Variants in LRRC74A observed in about 807,000 individuals in gnomAD.
LRRC74A encodes leucine rich repeat containing 74A.
A neutral mutation model predicts 57.9 loss-of-function variants in LRRC74A; 44 were observed. The ratio of observed to expected loss-of-function variants is 0.76; its 90% CI spans 0.60 to 0.98. The LOEUF (loss-of-function observed/expected upper bound fraction) is 0.98, where lower values mean the gene tolerates loss of function less well. LRRC74A is among the 50% of genes least tolerant of loss of function. The pLI, the probability that LRRC74A is intolerant of heterozygous loss-of-function variation, is 0.00. For missense variants in LRRC74A, 572 were observed against 574.0 expected, an observed-to-expected ratio of 1.00 and a Z score of 0.04; for synonymous variants, 211 against 219.4, an observed-to-expected ratio of 0.96 and a Z score of 0.34.
At chr14:76,867,682 G>A (rs115365139) in intron 13 of LRRC74A, among the ~76,000 whole-genome samples, 2,217 of 152,254 alleles carry the variant, frequency 0.015, 66 homozygotes, top group African/African-American at 0.049. Flanking sequence ...GGATGCCAGC[G>A]GGAGGAGCCG....
intron 7 of LRRC74A, among the ~76,000 whole-genome samples, chr14:76,850,139 T>C (rs779874546): frequency 1.7e-4 from 26 of 150,932 alleles, no homozygotes; most frequent in Non-Finnish European, 3.1e-4. Context: ...ACCTGGAAGG[T>C]GGAGCTTGCA....
chr14:76,859,396 T>C (rs747519710), intron 10 of LRRC74A, among the ~76,000 whole-genome samples: 1 of 151,842 alleles, frequency 6.6e-6, no homozygotes, highest in Non-Finnish European at 1.5e-5. Context: ...TAGCCGGCCA[T>C]GGTGGCGCAT....
At chr14:76,850,187 G>A (rs375066916) in intron 7 of LRRC74A, among the ~76,000 whole-genome samples, 4 of 152,212 alleles carry the variant, frequency 2.6e-5, no homozygotes, top group Middle Eastern at 3.4e-3. Context: ...CAGCCTGGGC[G>A]ACAGACGGAG....
intron 6 of LRRC74A, 28 bp from the exon 7 acceptor site, chr14:76,844,792 C>A (rs781110399): frequency 2.3e-6 from 3 of 1,287,414 alleles, no homozygotes; most frequent in Non-Finnish European, 3.4e-6. Flanking sequence ...ACAAAAAATC[C>A]TTCTCTTTCC....
At chr14:76,848,398 C>G (rs1338147131) in intron 7 of LRRC74A, among the ~76,000 whole-genome samples, 1 of 137,350 alleles carries the variant, frequency 7.3e-6, no homozygotes, top group African/African-American at 2.7e-5. Flanking sequence ...GACTCCATCT[C>G]AAAAAAAAAA....
intron 4 of LRRC74A, among the ~76,000 whole-genome samples, chr14:76,836,746 G>A (rs1346400120): frequency 4.4e-5 from 6 of 137,172 alleles, no homozygotes; most frequent in Admixed American, 8.0e-5. Context: ...AGCTGAGATC[G>A]CACCACAGCA....
intron 12 of LRRC74A, among the ~76,000 whole-genome samples, chr14:76,867,146 T>G (rs1450631133): frequency 3.4e-3 from 11 of 3,266 alleles, no homozygotes; most frequent in Admixed American, 0.01. Flanking sequence ...TGTGGGGGGG[T>G]GTGTGTGTTG....
Position 76,866,080 on chromosome 14 carries a change from G to T in LRRC74A, c.1308+5G>T. 6.6e-7 allele frequency: 1 copy of T among 1,524,494 alleles called. No individual in the cohort carries two copies. The highest frequency in any genetic ancestry group is 1.4e-5 in the African/African-American group (1 of 73,274). 94.4% of individuals were successfully genotyped at this position (1,524,494 alleles called of 1,614,324 possible). A position where few individuals can be genotyped will look rare whatever the true frequency, so the allele number is the denominator to read the frequency against. ...TTCCAGAAAGTGATGATAGAGGTGT[G>T]CTGGGTCCTAGTGGCAACAGGCTGT... On this transcript the variant is annotated splice_donor_5th_base_variant and intron_variant, in intron 12 of 13. Transcript: ENST00000689127.
At chr14:76,841,287 C>T (rs1489209156) in intron 5 of LRRC74A, among the ~76,000 whole-genome samples, 1 of 152,236 alleles carries the variant, frequency 6.6e-6, no homozygotes, top group African/African-American at 2.4e-5. Context: ...AGTGATCCAA[C>T]TGCCTCAGCC....
At position 76,826,777 on chromosome 14, in the gene LRRC74A, C is replaced by T. The variant is rs1047573183; in HGVS notation, c.37+43C>T. ...CTCTCACCACTCAGGCCCGTCCCTG[C>T]TGCCTCAGTACAACACCTAGTGATC... On this transcript the variant is annotated intron_variant, in intron 1 of 13. Coordinates refer to ENST00000689127, the MANE Select transcript of LRRC74A (RefSeq NM_001385106.1). The T allele has an allele frequency of 1.1e-5, 15 of 1,338,200 alleles. No individual in the cohort carries two copies. The African/African-American group carries it at 2.0e-4, about 18-fold the overall frequency. 82.9% of individuals were successfully genotyped at this position (1,338,200 alleles called of 1,614,324 possible).
In LRRC74A at chr14:76,849,835, A is replaced by C. The variant is rs112046238; in HGVS notation, c.677-2530A>C. 9.4e-3 allele frequency among the ~76,000 whole-genome samples: 1,426 copies of C among 151,200 alleles called. 23 individuals carry two copies. The highest frequency in any genetic ancestry group is 0.033 in the African/African-American group (1,344 of 41,154). On this transcript the variant is annotated intron_variant, in intron 7 of 13. Coordinates refer to ENST00000689127, the MANE Select transcript of LRRC74A (RefSeq NM_001385106.1). ...AAAAAACCCAAAAAACAAAAAAAAA[A>C]CCCAACACTTATTATTTGAAGTGAT...
In LRRC74A at chr14:76,836,301, A is replaced by G; in HGVS notation, c.434A>G (p.Tyr145Cys). The G allele has an allele frequency of 6.2e-7, 1 of 1,609,790 alleles. No homozygotes were observed. The highest frequency in any genetic ancestry group is 1.1e-5 in the South Asian group (1 of 90,654). Reference protein sequence around the residue: ...SLVEMLQENYYLQEMNISNNH... With the variant: ...SLVEMLQENYCLQEMNISNNH... The stretch of plus-strand genomic sequence containing the variant: ...GTGGAGATGCTACAAGAGAACTACT[A>G]CCTCCAGGAGATGGTACTGTGCCCC... The change falls in exon 4 of 14, where the codon TAC becomes TGC. Residue 145 changes from tyrosine to cysteine, a missense_variant. Coordinates refer to ENST00000689127, the MANE Select transcript of LRRC74A (RefSeq NM_001385106.1).
intron 11 of LRRC74A, among the ~76,000 whole-genome samples, chr14:76,864,108 T>C (rs927315018): frequency 2.0e-5 from 3 of 152,186 alleles, no homozygotes; most frequent in African/African-American, 4.8e-5. Context: ...GGCTCACCCA[T>C]GGCATCTGCC....
chr14:76,828,431 CAT>C lies in LRRC74A; in HGVS notation c.166+13_166+14del. The C allele has an allele frequency of 6.2e-7, 1 of 1,613,836 alleles. No homozygotes were observed. The highest frequency in any genetic ancestry group is 8.5e-7 in the Non-Finnish European group (1 of 1,179,800). On this transcript the variant is annotated intron_variant, in intron 2 of 13. Coordinates refer to ENST00000689127, the MANE Select transcript of LRRC74A (RefSeq NM_001385106.1). ...CCTGGAGATTGAAGGCGAGCATGGGCATTTGGGGGCAGTCAGGGCAGCTTCTC... is the reference window on the plus strand; with the variant it reads ...CCTGGAGATTGAAGGCGAGCATGGGCTTGGGGGCAGTCAGGGCAGCTTCTC...
rs937442972 is a variant in LRRC74A at position 76,865,973 on chromosome 14, T to C, written c.1206T>C (p.Tyr402=). ...LTNPMKLIQS[Y]ADQHKITIVD... is the part of the protein sequence containing the mutation. ...GTCTCTCCTGCTTCTCTCAGAGCTA[T>C]GCAGACCAACACAAAATCACGATCG... The change falls in exon 12 of 14, where the codon TAT becomes TAC. Residue 402 remains tyrosine (Y), a synonymous_variant. Transcript: ENST00000689127. 3.2e-6 allele frequency: 5 copies of C among 1,583,190 alleles called. No homozygotes were observed. Among genetic ancestry groups the C allele is most frequent in the East Asian group, 2.2e-5 (1 of 44,640 alleles).
chr14:76,841,242 A>G (rs189505280), intron 5 of LRRC74A, among the ~76,000 whole-genome samples: 1 of 151,902 alleles, frequency 6.6e-6, no homozygotes, highest in Non-Finnish European at 1.5e-5. Flanking sequence ...GAGTTTTGCC[A>G]TGTTGGCCAG....
At chr14:76,860,976 T>G in intron 11 of LRRC74A, 137 bp downstream of exon 11, 3 of 795,848 alleles carry the variant, frequency 3.8e-6, no homozygotes, top group Non-Finnish European at 5.7e-6. Context: ...CTCAGTCCCT[T>G]GGACAGCAGA....
chr14:76,851,536 TTA>T (rs1279642798), intron 7 of LRRC74A, among the ~76,000 whole-genome samples: 6 of 151,950 alleles, frequency 3.9e-5, no homozygotes, highest in Non-Finnish European at 7.4e-5. Flanking sequence ...TTTTGTATTT[TTA>T]GTAGAGACGG....
At chr14:76,830,380 G>A (rs1895886189) in intron 2 of LRRC74A, among the ~76,000 whole-genome samples, 1 of 152,242 alleles carries the variant, frequency 6.6e-6, no homozygotes, top group African/African-American at 2.4e-5. Context: ...CCAGAATCCA[G>A]GGAGGCCCGA....
Sources: allele counts gnomAD v4.1 joint callset (sites outside exome capture counted in the v4.1 genomes callset), GRCh38; gene constraint gnomAD v4.1.1; transcripts MANE v1.5; gene names NCBI Gene and HGNC (gene_info 2026-07-23, HGNC 2026-07-21).